GABRP: variants seen among roughly 807,000 people sequenced by gnomAD.
GABRP encodes gamma-aminobutyric acid type A receptor subunit pi, also known as gamma-aminobutyric acid receptor subunit pi.
A neutral mutation model predicts 47.8 loss-of-function variants in GABRP; 52 were observed. That is an observed-to-expected ratio of 1.09 (90% CI 0.87 to 1.37). The LOEUF (loss-of-function observed/expected upper bound fraction) is 1.37, where lower values mean the gene tolerates loss of function less well. Ranked by LOEUF, GABRP falls within the 40% of genes most tolerant of loss-of-function variation. The probability of loss-of-function intolerance (pLI) is 0.00; values close to 1 mark genes in which losing one functional copy is unlikely to be tolerated. For synonymous variants in GABRP, 221 were observed against 205.8 expected, an observed-to-expected ratio of 1.07 and a Z score of -0.63; for missense variants, 525 against 542.8, an observed-to-expected ratio of 0.97 and a Z score of 0.33.
chr5:170,809,366 A>T (rs1765821858), intron 8 of GABRP, among the ~76,000 whole-genome samples: 1 of 151,386 alleles, frequency 6.6e-6, no homozygotes, highest in Non-Finnish European at 1.5e-5. Context: ...GTGAAACATT[A>T]AAAAAAAACA....
intron 6 of GABRP, among the ~76,000 whole-genome samples, chr5:170,805,035 A>G (rs894138132): frequency 6.8e-6 from 1 of 147,746 alleles, no homozygotes; most frequent in Non-Finnish European, 1.5e-5. Flanking sequence ...TTTATATATT[A>G]TATAGATATA....
chr5:170,810,434 G>A (rs1765852344), intron 9 of GABRP, among the ~76,000 whole-genome samples: 1 of 152,152 alleles, frequency 6.6e-6, no homozygotes, highest in South Asian at 2.1e-4. Context: ...AGAAGGGAAA[G>A]AGACTTACCG....
At position 170,805,209 on chromosome 5, in the gene GABRP, C is replaced by T. The variant is rs990128756; in HGVS notation, c.542-507C>T. On this transcript the variant is annotated intron_variant, in intron 6 of 9. Transcript: ENST00000265294. ...AAAAGGTAACTATTGTTACTATTAT[C>T]AAGTATATTAATTAAACTGCTTTGA... 3.3e-5 allele frequency among the ~76,000 whole-genome samples: 5 copies of T among 151,784 alleles called. No individual in the cohort carries two copies. The East Asian group carries it at 7.7e-4, about 23-fold the overall frequency.
intron 6 of GABRP, among the ~76,000 whole-genome samples, chr5:170,798,067 A>G (rs548474605): frequency 2.6e-5 from 4 of 152,294 alleles, no homozygotes; most frequent in East Asian, 1.9e-4. Flanking sequence ...TTTGAGACGG[A>G]GTCTCGCTCT....
intron 6 of GABRP, among the ~76,000 whole-genome samples, chr5:170,803,273 G>A (rs1459738215): frequency 6.6e-6 from 1 of 152,140 alleles, no homozygotes; most frequent in Non-Finnish European, 1.5e-5. Context: ...CAAAATGTTA[G>A]TTCCAACACC....
At position 170,807,145 on chromosome 5, in the gene GABRP, C is replaced by T. The variant is rs540938960; in HGVS notation, c.679+1292C>T. Reference sequence around the variant, plus strand: ...TTGTATTATTGTAGAGATGAGGTTACATCATGTTTCCCAGCTGGTCTCGAA... The same window carrying T: ...TTGTATTATTGTAGAGATGAGGTTATATCATGTTTCCCAGCTGGTCTCGAA... On this transcript the variant is annotated intron_variant, in intron 7 of 9. Coordinates refer to ENST00000265294, the MANE Select transcript of GABRP (RefSeq NM_014211.3). 2.0e-5 allele frequency among the ~76,000 whole-genome samples: 3 copies of T among 151,914 alleles called. No individual in the cohort carries two copies. The South Asian group carries it at 6.3e-4, about 32-fold the overall frequency.
intron 1 of GABRP, 107 bp from the exon 2 acceptor site, chr5:170,788,467 G>A: frequency 1.5e-6 from 1 of 685,360 alleles, no homozygotes; most frequent in Non-Finnish European, 2.6e-6. Flanking sequence ...TGCTTCCTAT[G>A]CATGCTGAGA....
Position 170,784,475 on chromosome 5 carries a change from G to C in GABRP, c.-43+601G>C, listed in dbSNP as rs550175554. 2.6e-4 allele frequency among the ~76,000 whole-genome samples: 39 copies of C among 152,010 alleles called. No homozygotes were observed. In the South Asian group the frequency reaches 8.1e-3, roughly 32 times the overall value. On this transcript the variant is annotated intron_variant, in intron 1 of 9. Coordinates refer to ENST00000265294, the MANE Select transcript of GABRP (RefSeq NM_014211.3). Reference sequence around the variant, plus strand: ...CCAGTAGGCCAAGCCAGGAAGAGGCGGGGGAGACTGGGAGACATTAGGCTG... The same window carrying C: ...CCAGTAGGCCAAGCCAGGAAGAGGCCGGGGAGACTGGGAGACATTAGGCTG...
In GABRP at chr5:170,790,272, G is replaced by T. The variant is rs1455309049; in HGVS notation, c.172+1025G>T. On this transcript the variant is annotated intron_variant, in intron 3 of 9. Coordinates refer to ENST00000265294, the MANE Select transcript of GABRP (RefSeq NM_014211.3). ...CCTGAGTTTGGCTCCTAGCTCTCCT[G>T]CTTGGCAAGTGGTTTAGCCTTCTGT... 2.0e-5 allele frequency among the ~76,000 whole-genome samples: 3 copies of T among 152,198 alleles called. No individual in the cohort carries two copies. In the East Asian group the frequency reaches 5.8e-4, roughly 29 times the overall value.
intron 1 of GABRP, among the ~76,000 whole-genome samples, chr5:170,787,407 C>T (rs921552738): frequency 3.9e-5 from 6 of 152,226 alleles, no homozygotes; most frequent in Non-Finnish European, 7.3e-5. Flanking sequence ...CTGGCTACCC[C>T]CTGCTCCCTC....
intron 6 of GABRP, among the ~76,000 whole-genome samples, chr5:170,804,601 C>G (rs1765680173): frequency 6.6e-6 from 1 of 151,972 alleles, no homozygotes; most frequent in African/African-American, 2.4e-5. Context: ...TCCCTAATGA[C>G]TAGTGATGTT....
chr5:170,790,505 C>T (rs2127251891), intron 3 of GABRP, among the ~76,000 whole-genome samples: 1 of 152,230 alleles, frequency 6.6e-6, no homozygotes, highest in East Asian at 1.9e-4. Flanking sequence ...CTCCGGGCAG[C>T]AGATGCCAAG....
At chr5:170,798,359 G>A (rs977285358) in intron 6 of GABRP, among the ~76,000 whole-genome samples, 4 of 152,088 alleles carry the variant, frequency 2.6e-5, no homozygotes, top group East Asian at 1.9e-4. Context: ...AGTTTTTAAC[G>A]GGCTCTAATA....
chr5:170,784,988 A>T (rs1765091265), intron 1 of GABRP, among the ~76,000 whole-genome samples: 1 of 152,130 alleles, frequency 6.6e-6, no homozygotes, highest in Non-Finnish European at 1.5e-5. Flanking sequence ...TTTGGGGACA[A>T]CCCTTAGGAC....
At chr5:170,806,720 G>T (rs1006477673) in intron 7 of GABRP, among the ~76,000 whole-genome samples, 1 of 151,698 alleles carries the variant, frequency 6.6e-6, no homozygotes, top group Non-Finnish European at 1.5e-5. Context: ...GGAATTACAG[G>T]CATGAGCCAC....
At chr5:170,802,973 A>C (rs1430184157) in intron 6 of GABRP, among the ~76,000 whole-genome samples, 2 of 152,142 alleles carry the variant, frequency 1.3e-5, no homozygotes, top group African/African-American at 2.4e-5. Flanking sequence ...TTCCTTATTC[A>C]CCCAGGGACA....
At position 170,787,117 on chromosome 5, in the gene GABRP, T is replaced by C. The variant is rs114366737; in HGVS notation, c.-42-1457T>C. Among the ~76,000 whole-genome samples the C allele has an allele frequency of 5.4e-3, 830 of 152,354 alleles. 3 individuals carry two copies. The highest frequency in any genetic ancestry group is 9.4e-3 in the Non-Finnish European group (639 of 68,024). On this transcript the variant is annotated intron_variant, in intron 1 of 9. Coordinates refer to ENST00000265294, the MANE Select transcript of GABRP (RefSeq NM_014211.3). ...CATCAGAGGGACACATTTGTTTTCA[T>C]TGATGAATCCATATTGACACATCAT...
At position 170,812,513 on chromosome 5, in the gene GABRP, C is replaced by G; in HGVS notation, c.*255C>G. ...CTTAATCAAGGACATTCCCATGGAG[C>G]CCAAGATTACAAATGTACTCAGGGC... is the stretch of plus-strand genomic sequence containing the variant. On this transcript the variant is annotated 3_prime_UTR_variant, in exon 10 of 10. Coordinates refer to ENST00000265294, the MANE Select transcript of GABRP (RefSeq NM_014211.3). 1 of 432,418 alleles carries G rather than the reference C, an allele frequency of 2.3e-6. No individual in the cohort carries two copies. Among genetic ancestry groups the G allele is most frequent in the Non-Finnish European group, 4.2e-6 (1 of 240,000 alleles). 26.8% of individuals were successfully genotyped at this position (432,418 alleles called of 1,614,324 possible).
intron 3 of GABRP, among the ~76,000 whole-genome samples, chr5:170,790,847 T>C (rs909882295): frequency 5.9e-5 from 9 of 152,038 alleles, no homozygotes; most frequent in African/African-American, 2.4e-5. Context: ...GCAAGTGTGG[T>C]GGTAGATTCC....
Sources: gnomAD v4.1 joint callset for allele counts (sites outside exome capture counted in the v4.1 genomes callset) on GRCh38, gnomAD v4.1.1 for gene constraint, MANE v1.5 for transcripts, NCBI Gene and HGNC (gene_info 2026-07-23, HGNC 2026-07-21) for gene names.